Variants in STPG2 observed in about 807,000 individuals in gnomAD.
STPG2 encodes the protein sperm tail PG-rich repeat containing 2.
STPG2 carries 56 observed loss-of-function variants against 54.2 expected under a neutral mutation model. The observed-to-expected ratio is 1.03, with a 90% confidence interval of 0.83 to 1.29. The LOEUF (loss-of-function observed/expected upper bound fraction) is 1.29. STPG2 is among the 50% of genes most tolerant of loss of function. The probability of loss-of-function intolerance (pLI) is 0.00; values close to 1 mark genes in which losing one functional copy is unlikely to be tolerated. For missense variants in STPG2, 596 were observed against 544.9 expected (o/e 1.09, Z -0.93); for synonymous variants, 200 against 181.8 (o/e 1.10, Z -0.81).
At chr4:97,988,221 T>C (rs1223400397) in intron 5 of STPG2, among the ~76,000 whole-genome samples, 1 of 152,170 alleles carries the variant, frequency 6.6e-6, no homozygotes. Flanking sequence ...TCCTTCATTA[T>C]AATCAGGTCA....
chr4:97,897,155 A>T (rs11097586), intron 8 of STPG2, among the ~76,000 whole-genome samples: 19,373 of 151,856 alleles, frequency 0.13, 1,892 homozygotes, highest in African/African-American at 0.26. Context: ...GAAAATATGC[A>T]GTATTTGGTT....
At chr4:98,139,948 A>T (rs973571555) in intron 1 of STPG2, among the ~76,000 whole-genome samples, 2 of 152,204 alleles carry the variant, frequency 1.3e-5, no homozygotes, top group African/African-American at 4.8e-5. Flanking sequence ...TGGAGTAAAG[A>T]TCGTGGTTAT....
intron 4 of STPG2, among the ~76,000 whole-genome samples, chr4:97,488,270 A>T (rs2148825661): frequency 6.6e-6 from 1 of 151,856 alleles, no homozygotes; most frequent in East Asian, 1.9e-4. Context: ...ACAATAACAA[A>T]GTACTTCAGG....
At chr4:98,063,409 G>A (rs930473305) in intron 5 of STPG2, among the ~76,000 whole-genome samples, 12 of 151,546 alleles carry the variant, frequency 7.9e-5, no homozygotes, top group Admixed American at 3.9e-4. Context: ...AGATCACACC[G>A]CTGCACTCCA....
chr4:98,010,728 T>C (rs1021665097), intron 5 of STPG2, among the ~76,000 whole-genome samples: 1 of 152,166 alleles, frequency 6.6e-6, no homozygotes, highest in Non-Finnish European at 1.5e-5. Context: ...TCTCTTGCTG[T>C]CTTTCTTTTT....
intron 4 of STPG2, among the ~76,000 whole-genome samples, chr4:97,517,370 T>C (rs1358641385): frequency 2.0e-5 from 3 of 152,084 alleles, no homozygotes; most frequent in African/African-American, 7.2e-5. Context: ...TTCTAATTTG[T>C]TCTGGACATT....
In STPG2 at chr4:98,143,462, G is replaced by C. The variant is rs1386061962; in HGVS notation, c.-312C>G. ...GTATTAGGGATTAGACGCTCGCCCC[G>C]GTGCTTCCGGCCCTGACTCCGCCCA... On this transcript the variant is annotated 5_prime_UTR_variant, in exon 1 of 11. Transcript: ENST00000295268. Among the ~76,000 whole-genome samples the C allele has an allele frequency of 6.6e-6, 1 of 152,120 alleles. No homozygotes were observed. The highest frequency in any genetic ancestry group is 1.5e-5 in the Non-Finnish European group (1 of 68,026).
At position 97,972,456 on chromosome 4, in the gene STPG2, G is replaced by C; in HGVS notation, c.773-16C>G. 1 of 1,417,160 alleles carries C rather than the reference G, an allele frequency of 7.1e-7. No homozygotes were observed. Among genetic ancestry groups the C allele is most frequent in the South Asian group, 1.5e-5 (1 of 65,956 alleles). The allele number at this position is 1,417,160 out of a possible 1,614,324, so 87.8% of individuals were successfully genotyped here. On this transcript the variant is annotated splice_polypyrimidine_tract_variant and intron_variant, in intron 6 of 10. Transcript: ENST00000295268. ...AATCCAGGACCTAAAATTATTAGAA[G>C]TATCATATATAAGAATAAGCATGCT...
chr4:97,766,638 A>T (rs1379895722), intron 9 of STPG2, among the ~76,000 whole-genome samples: 1 of 152,086 alleles, frequency 6.6e-6, no homozygotes, highest in African/African-American at 2.4e-5. Context: ...TAATAGCAAG[A>T]TAAGCCAATC....
At chr4:98,110,527 C>T (rs1237987600) in intron 3 of STPG2, among the ~76,000 whole-genome samples, 1 of 152,064 alleles carries the variant, frequency 6.6e-6, no homozygotes, top group Admixed American at 6.6e-5. Context: ...GTGAACAGCC[C>T]ACCCCAAGGA....
chr4:97,564,054 T>C (rs1418205806), intron 10 of STPG2, among the ~76,000 whole-genome samples: 1 of 152,190 alleles, frequency 6.6e-6, no homozygotes. Context: ...CCCATTATTA[T>C]TGTGTGAGAG....
chr4:97,887,962 C>A (rs569836898), intron 8 of STPG2, among the ~76,000 whole-genome samples: 1 of 152,286 alleles, frequency 6.6e-6, no homozygotes, highest in South Asian at 2.1e-4. Context: ...CAGCTCAGGC[C>A]ACTGCTTCAG....
At chr4:98,006,680 G>C (rs540382339) in intron 5 of STPG2, among the ~76,000 whole-genome samples, 2 of 152,280 alleles carry the variant, frequency 1.3e-5, no homozygotes, top group South Asian at 4.1e-4. Flanking sequence ...GACAAGAACA[G>C]GAAGAGATTT....
At chr4:97,683,238 T>C (rs1723084783) in intron 10 of STPG2, among the ~76,000 whole-genome samples, 1 of 151,842 alleles carries the variant, frequency 6.6e-6, no homozygotes, top group Admixed American at 6.6e-5. Context: ...GATGCATACA[T>C]AGAATTACAT....
At chr4:97,724,252 T>C (rs527879597) in intron 9 of STPG2, among the ~76,000 whole-genome samples, 1 of 152,168 alleles carries the variant, frequency 6.6e-6, no homozygotes, top group Admixed American at 6.5e-5. Context: ...CACACATTTA[T>C]ATGAGATCAT....
rs150517523 is a variant in STPG2, at chr4:98,018,470, A to G, written c.613-37152T>C. On this transcript the variant is annotated intron_variant, in intron 5 of 10. Coordinates refer to ENST00000295268, the MANE Select transcript of STPG2 (RefSeq NM_174952.3). ...CTTTGCGATTGTGAGTAGTGCCACA[A>G]TAAACATACGTGTGCATGTGTCTTT... Among the ~76,000 whole-genome samples, 80 of 152,342 alleles carry G rather than the reference A, an allele frequency of 5.3e-4. 1 individual carries two copies. In the East Asian group the frequency reaches 0.013, roughly 24 times the overall value.
intron 10 of STPG2, among the ~76,000 whole-genome samples, chr4:97,687,640 C>A (rs1379338094): frequency 6.6e-6 from 1 of 152,114 alleles, no homozygotes; most frequent in African/African-American, 2.4e-5. Context: ...ACACCCAGCT[C>A]CATGCATTGA....
At chr4:97,907,269 T>C (rs1259400737) in intron 8 of STPG2, among the ~76,000 whole-genome samples, 1 of 151,436 alleles carries the variant, frequency 6.6e-6, no homozygotes, top group African/African-American at 2.4e-5. Context: ...CATTCACAAT[T>C]GCTTCCAAGA....
At chr4:98,015,165 A>C (rs966289648) in intron 5 of STPG2, among the ~76,000 whole-genome samples, 1 of 152,224 alleles carries the variant, frequency 6.6e-6, no homozygotes, top group Non-Finnish European at 1.5e-5. Context: ...TTCATGATTA[A>C]AACACCAAAA....
Sources: allele counts gnomAD v4.1 joint callset (sites outside exome capture counted in the v4.1 genomes callset), GRCh38; gene constraint gnomAD v4.1.1; transcripts MANE v1.5; gene names NCBI Gene and HGNC (gene_info 2026-07-23, HGNC 2026-07-21).